CFAP299: variants seen among roughly 807,000 people sequenced by gnomAD.
The protein encoded by CFAP299 is cilia and flagella associated protein 299, also known as cilia- and flagella-associated protein 299.
In CFAP299, 21 loss-of-function variants were observed where a neutral mutation model predicts 27.0. The observed-to-expected ratio is 0.78, with a 90% CI of 0.55 to 1.12. The LOEUF is 1.12. Among genes scored for constraint, CFAP299 ranks in the 50% most tolerant of loss-of-function variants. The probability of loss-of-function intolerance (pLI) is 0.00; values close to 1 mark genes in which losing one functional copy is unlikely to be tolerated. For missense variants in CFAP299, 310 were observed against 276.6 expected, an observed-to-expected ratio of 1.12 and a Z score of -0.86; for synonymous variants, 104 against 98.1, an observed-to-expected ratio of 1.06 and a Z score of -0.36.
rs530888716 is a variant in CFAP299 at position 80,919,996 on chromosome 4, A to G, written c.477-24814A>G. 9.9e-5 allele frequency among the ~76,000 whole-genome samples: 15 copies of G among 152,240 alleles called. No homozygotes were observed. In the East Asian group the frequency reaches 1.9e-3, roughly 20 times the overall value. ...TATCTGACCTGTTTTAAAAATTCTT[A>G]GTGAAAATCTAGAGCTGCAACCTCC... On this transcript the variant is annotated intron_variant, in intron 4 of 5. Coordinates refer to ENST00000358105, the MANE Select transcript of CFAP299 (RefSeq NM_152770.3).
rs542716959 is a variant in CFAP299, at chr4:80,690,444, C to A, written c.333+107261C>A. ...TGAACAACCTGCTCCTGAGTGACTACTGGGTACATAACGAAATGAAGGCAG... is the reference window on the plus strand; with the variant it reads ...TGAACAACCTGCTCCTGAGTGACTAATGGGTACATAACGAAATGAAGGCAG... On this transcript the variant is annotated intron_variant, in intron 3 of 5. Transcript: ENST00000358105. Among the ~76,000 whole-genome samples the A allele has an allele frequency of 5.1e-4, 78 of 152,252 alleles. 1 individual carries two copies. In the East Asian group the frequency reaches 0.013, roughly 26 times the overall value.
intron 3 of CFAP299, among the ~76,000 whole-genome samples, chr4:80,752,237 A>T (rs1262771132): frequency 6.6e-6 from 1 of 152,016 alleles, no homozygotes; most frequent in South Asian, 2.1e-4. Flanking sequence ...TTGGCTAATC[A>T]GTCCCAATGC....
intron 3 of CFAP299, among the ~76,000 whole-genome samples, chr4:80,724,850 C>A (rs942903155): frequency 6.8e-6 from 1 of 146,996 alleles, no homozygotes; most frequent in African/African-American, 2.5e-5. Flanking sequence ...TCCTTCATTC[C>A]TTCCTTCCTT....
chr4:80,684,328 A>G (rs546347647), intron 3 of CFAP299, among the ~76,000 whole-genome samples: 1 of 151,518 alleles, frequency 6.6e-6, no homozygotes, highest in East Asian at 1.9e-4. Flanking sequence ...CAGTGGTGCG[A>G]TCTTGGCTCA....
chr4:80,515,483 C>A (rs1732538395), intron 2 of CFAP299, among the ~76,000 whole-genome samples: 1 of 152,130 alleles, frequency 6.6e-6, no homozygotes, highest in Non-Finnish European at 1.5e-5. Context: ...TTCAGAATAT[C>A]CTAAGTCTTT....
chr4:80,923,936 T>C (rs1736171877), intron 4 of CFAP299, among the ~76,000 whole-genome samples: 1 of 152,018 alleles, frequency 6.6e-6, no homozygotes, highest in South Asian at 2.1e-4. Context: ...TAGAGATCCA[T>C]TATGAAGTCT....
At chr4:80,910,298 A>G (rs1162633438) in intron 4 of CFAP299, among the ~76,000 whole-genome samples, 4 of 152,096 alleles carry the variant, frequency 2.6e-5, no homozygotes, top group East Asian at 1.9e-4. Context: ...TAAAAACAGA[A>G]CTACCATTTG....
chr4:80,386,220 A>C (rs1265602101), intron 2 of CFAP299: 2 of 999,268 alleles, frequency 2.0e-6, no homozygotes, highest in Non-Finnish European at 3.0e-6. Flanking sequence ...CGAGCATGGC[A>C]CATGGGCCCT....
At chr4:80,840,304 T>C (rs1294336280) in intron 3 of CFAP299, among the ~76,000 whole-genome samples, 1 of 152,064 alleles carries the variant, frequency 6.6e-6, no homozygotes, top group Non-Finnish European at 1.5e-5. Context: ...GTGTTTACCA[T>C]GATGATAGGT....
At chr4:80,837,167 T>C (rs951431224) in intron 3 of CFAP299, among the ~76,000 whole-genome samples, 4 of 152,226 alleles carry the variant, frequency 2.6e-5, no homozygotes, top group African/African-American at 9.6e-5. Flanking sequence ...TATCAGTGCA[T>C]ATTAAGAGAA....
chr4:80,689,371 G>A (rs1292131922), intron 3 of CFAP299, among the ~76,000 whole-genome samples: 1 of 152,120 alleles, frequency 6.6e-6, no homozygotes, highest in African/African-American at 2.4e-5. Context: ...AGCCAGAACA[G>A]AGTGGGGGCC....
intron 2 of CFAP299, among the ~76,000 whole-genome samples, chr4:80,495,779 G>C (rs1161084649): frequency 1.3e-5 from 2 of 152,228 alleles, no homozygotes; most frequent in African/African-American, 4.8e-5. Flanking sequence ...CATGATACTA[G>C]CATCTGCTCA....
At chr4:80,401,603 C>T (rs978138900) in intron 2 of CFAP299, among the ~76,000 whole-genome samples, 7 of 152,176 alleles carry the variant, frequency 4.6e-5, no homozygotes, top group Non-Finnish European at 7.3e-5. Flanking sequence ...CACCTGAATG[C>T]CCAGGCAAAA....
intron 2 of CFAP299, among the ~76,000 whole-genome samples, chr4:80,498,388 A>G (rs1195139100): frequency 6.6e-6 from 1 of 152,192 alleles, no homozygotes; most frequent in African/African-American, 2.4e-5. Flanking sequence ...AGGAACTTAA[A>G]CAAATTAACA....
chr4:80,955,218 C>T (rs1738008543), intron 5 of CFAP299, among the ~76,000 whole-genome samples: 1 of 152,044 alleles, frequency 6.6e-6, no homozygotes, highest in Admixed American at 6.6e-5. Context: ...AAATGGTCAT[C>T]AGGGCTCAGG....
intron 3 of CFAP299, among the ~76,000 whole-genome samples, chr4:80,868,901 C>CTT (rs1054808191): frequency 7.4e-6 from 1 of 134,872 alleles, no homozygotes; most frequent in Non-Finnish European, 1.5e-5. Flanking sequence ...GGGGGCTTCT[C>CTT]TCTCTGTGTG....
rs533639652 is a variant in CFAP299 at position 80,488,383 on chromosome 4, T to C, written c.243-94710T>C. On this transcript the variant is annotated intron_variant, in intron 2 of 5. Coordinates refer to ENST00000358105, the MANE Select transcript of CFAP299 (RefSeq NM_152770.3). ...TTTTAGGCATCATCAACTTAATTTATTCATTAGTGATTATTCAATATTTCA... is the reference window on the plus strand; with the variant it reads ...TTTTAGGCATCATCAACTTAATTTACTCATTAGTGATTATTCAATATTTCA... Among the ~76,000 whole-genome samples the C allele has an allele frequency of 2.0e-5, 3 of 152,320 alleles. 1 individual carries two copies. Among genetic ancestry groups the C allele is most frequent in the South Asian group, 4.1e-4 (2 of 4,832 alleles).
At chr4:80,876,730 T>C (rs1733398415) in intron 4 of CFAP299, among the ~76,000 whole-genome samples, 1 of 152,184 alleles carries the variant, frequency 6.6e-6, no homozygotes. Flanking sequence ...TTTAATTCAG[T>C]ACATTATTCC....
intron 2 of CFAP299, among the ~76,000 whole-genome samples, chr4:80,474,372 T>C (rs1192969897): frequency 1.3e-5 from 2 of 152,216 alleles, no homozygotes; most frequent in Admixed American, 1.3e-4. Flanking sequence ...TCCTGAACAT[T>C]TAAAGGTAAG....
Sources: allele counts gnomAD v4.1 joint callset (sites outside exome capture counted in the v4.1 genomes callset), GRCh38; gene constraint gnomAD v4.1.1; transcripts MANE v1.5; gene names NCBI Gene and HGNC (gene_info 2026-07-23, HGNC 2026-07-21).